Variants in PSD2 observed in about 807,000 individuals in gnomAD.
The protein encoded by PSD2 is pleckstrin and Sec7 domain containing 2.
PSD2 carries 38 observed loss-of-function variants against 69.8 expected under a neutral mutation model. The ratio of observed to expected loss-of-function variants is 0.54; its 90% CI spans 0.42 to 0.71. PSD2 has a LOEUF of 0.71. Among genes scored for constraint, PSD2 ranks in the 30% least tolerant of loss-of-function variants. The probability of loss-of-function intolerance (pLI) is 0.00; values close to 1 mark genes in which losing one functional copy is unlikely to be tolerated. For synonymous variants in PSD2, 412 were observed against 423.0 expected (o/e 0.97, Z 0.32); for missense variants, 943 against 1,014.5 (o/e 0.93, Z 0.96).
In PSD2 at chr5:139,839,840, G is replaced by A. The variant is rs527448388; in HGVS notation, c.1969-187G>A. ...AAGCTGATGCTGATGGGACCTGGGG[G>A]AGGAGGAAGGGAGGTGGGAGGAAGA... On this transcript the variant is annotated intron_variant, in intron 13 of 14. Coordinates refer to ENST00000274710, the MANE Select transcript of PSD2 (RefSeq NM_032289.4). The surrounding 1 kb of genome is among the most constrained non-coding windows in gnomAD (Gnocchi z 5.1). Among the ~76,000 whole-genome samples, 9 of 152,308 alleles carry A rather than the reference G, an allele frequency of 5.9e-5. No individual in the cohort carries two copies. The South Asian group carries it at 1.9e-3, about 32-fold the overall frequency.
At chr5:139,808,653 C>G (rs1436618969) in intron 1 of PSD2, among the ~76,000 whole-genome samples, 3 of 152,284 alleles carry the variant, frequency 2.0e-5, no homozygotes, top group Middle Eastern at 6.8e-3. Flanking sequence ...GGAGGGGAAC[C>G]CCAGGCCTCC....
At chr5:139,778,337 C>T in the PSD2 span, among the ~76,000 whole-genome samples, 1 of 152,210 alleles carries the variant, frequency 6.6e-6, no homozygotes, top group Non-Finnish European at 1.5e-5. Flanking sequence ...CAGTGGTACA[C>T]TGAGTAGCCC....
At chr5:139,819,211 G>A (rs1053881003) in intron 5 of PSD2, among the ~76,000 whole-genome samples, 2 of 152,242 alleles carry the variant, frequency 1.3e-5, no homozygotes, top group Admixed American at 6.5e-5. Context: ...TAGAAGGTTT[G>A]TGGGGATGCA....
At chr5:139,815,369 A>G (rs376726447) in intron 4 of PSD2, among the ~76,000 whole-genome samples, 3 of 152,048 alleles carry the variant, frequency 2.0e-5, no homozygotes, top group South Asian at 4.2e-4. Context: ...GCCCTCTCCC[A>G]TCTTTTCAAC....
chr5:139,828,403 C>T (rs767413394), intron 7 of PSD2, among the ~76,000 whole-genome samples: 5 of 152,032 alleles, frequency 3.3e-5, no homozygotes, highest in South Asian at 2.1e-4. Flanking sequence ...GTGGCAACAG[C>T]GGGAGTTTCT....
chr5:139,837,224 C>T lies in PSD2; in HGVS notation c.1651C>T (p.Leu551=), dbSNP rs370796432. Residue 551 remains leucine, a synonymous_variant, in exon 11 of 15, where the codon CTG becomes TTG. Coordinates refer to ENST00000274710, the MANE Select transcript of PSD2 (RefSeq NM_032289.4). The surrounding 1 kb of genome is among the most constrained non-coding windows in gnomAD (Gnocchi z 5.0). ...CTACGCAGTGCTCAAAGGGACCATC[C>T]TGTACCTGCAGAAGGTGAGAGACTG... is the stretch of plus-strand genomic sequence containing the variant. ...KFYAVLKGTI[L]YLQKDEYRPD... is the part of the protein sequence containing the mutation. 7.4e-6 allele frequency: 12 copies of T among 1,613,864 alleles called. 1 individual carries two copies. The South Asian group carries it at 8.8e-5, about 12-fold the overall frequency.
chr5:139,766,954 TTTCTTTCTTTCTTTC>T, the PSD2 span, among the ~76,000 whole-genome samples: 1 of 135,922 alleles, frequency 7.4e-6, no homozygotes, highest in African/African-American at 2.8e-5. Flanking sequence ...TCTTTCTTTC[TTTCTTTCTTTCTTTC>T]TTTCTTTCTT....
chr5:139,817,477 G>C lies in PSD2; in HGVS notation c.1017-4G>C, dbSNP rs936411522. ...CTAACAGACATCCCATACTCTCCTGGCAGCAACGAGTTTAGCAGGCTGGTG... is the reference window on the plus strand; with the variant it reads ...CTAACAGACATCCCATACTCTCCTGCCAGCAACGAGTTTAGCAGGCTGGTG... On this transcript the variant is annotated splice_region_variant and splice_polypyrimidine_tract_variant and intron_variant, in intron 4 of 14. Transcript: ENST00000274710. 1 of 1,613,458 alleles carries C rather than the reference G, an allele frequency of 6.2e-7. No individual in the cohort carries two copies. Among genetic ancestry groups the C allele is most frequent in the African/African-American group, 1.3e-5 (1 of 74,884 alleles).
chr5:139,763,148 C>A, the PSD2 span, among the ~76,000 whole-genome samples: 1 of 152,038 alleles, frequency 6.6e-6, no homozygotes, highest in Non-Finnish European at 1.5e-5. Flanking sequence ...GGAGGAATAA[C>A]CCTGGCAGGA....
At chr5:139,796,576 G>A (rs1759535067) in intron 1 of PSD2, among the ~76,000 whole-genome samples, 2 of 152,238 alleles carry the variant, frequency 1.3e-5, no homozygotes, top group Admixed American at 6.5e-5. Context: ...CATAATGGCC[G>A]AGGCGGCAGC....
At chr5:139,771,981 C>T in the PSD2 span, among the ~76,000 whole-genome samples, 1 of 152,180 alleles carries the variant, frequency 6.6e-6, no homozygotes, top group Middle Eastern at 3.2e-3. Flanking sequence ...TCGCTCCCAG[C>T]ACCCTTCCCC....
upstream of PSD2, among the ~76,000 whole-genome samples, chr5:139,791,837 C>T (rs184323104): frequency 2.3e-4 from 35 of 152,276 alleles, no homozygotes; most frequent in African/African-American, 7.5e-4. Context: ...TGTCAGTGGA[C>T]TGTACAGGGA....
At chr5:139,808,750 C>T (rs1210565282) in intron 1 of PSD2, among the ~76,000 whole-genome samples, 4 of 152,194 alleles carry the variant, frequency 2.6e-5, no homozygotes, top group African/African-American at 9.6e-5. Context: ...GTGGCACCGC[C>T]CACCCAGCAC....
intron 7 of PSD2, among the ~76,000 whole-genome samples, chr5:139,827,682 C>T (rs1010298455): frequency 6.6e-6 from 1 of 152,202 alleles, no homozygotes; most frequent in African/African-American, 2.4e-5. Context: ...CCTCAGGAAA[C>T]TTACAATCAT....
rs377169422 is a variant in PSD2 at position 139,842,540 on chromosome 5, A to T, written c.*66A>T. 56 of 1,458,202 alleles carry T rather than the reference A, an allele frequency of 3.8e-5. No homozygotes were observed. The South Asian group carries it at 6.1e-4, about 16-fold the overall frequency. 90.3% of individuals were successfully genotyped at this position (1,458,202 alleles called of 1,614,324 possible). ...CAGTGGGGTCAGTGAGCACAATTCC[A>T]GCCAGGGGCCACTTGGACCAAGCTC... On this transcript the variant is annotated 3_prime_UTR_variant, in exon 15 of 15. Transcript: ENST00000274710.
At chr5:139,805,165 T>A (rs779628740) in intron 1 of PSD2, among the ~76,000 whole-genome samples, 2 of 152,196 alleles carry the variant, frequency 1.3e-5, no homozygotes, top group South Asian at 2.1e-4. Flanking sequence ...TGCCCCTGTG[T>A]CTTATAGAGC....
chr5:139,798,305 G>T (rs1168448678), intron 1 of PSD2, among the ~76,000 whole-genome samples: 2 of 152,170 alleles, frequency 1.3e-5, no homozygotes, highest in Non-Finnish European at 2.9e-5. Context: ...CTCTAAGCCG[G>T]CTTGCCCACA....
the PSD2 span, chr5:139,773,078 G>A: frequency 6.6e-6 from 1 of 152,106 alleles, no homozygotes; most frequent in Non-Finnish European, 1.5e-5. Context: ...CCTTTTTTAA[G>A]TATACAGTTC....
At chr5:139,803,149 G>A (rs564915492) in intron 1 of PSD2, among the ~76,000 whole-genome samples, 2 of 152,366 alleles carry the variant, frequency 1.3e-5, no homozygotes, top group African/African-American at 4.8e-5. Flanking sequence ...CCTTGGGTGA[G>A]GGTGTTGGGA....
Sources: gnomAD v4.1 joint callset for allele counts (sites outside exome capture counted in the v4.1 genomes callset) on GRCh38, gnomAD v4.1.1 for gene constraint, Gnocchi (gnomAD v3.1) non-coding constraint, MANE v1.5 for transcripts, NCBI Gene and HGNC (gene_info 2026-07-23, HGNC 2026-07-21) for gene names.